BRSK2: variants seen among roughly 807,000 people sequenced by gnomAD.
BRSK2 encodes the protein BR serine/threonine kinase 2, also known as serine/threonine-protein kinase BRSK2.
Under a neutral mutation model 83.3 loss-of-function variants are expected in BRSK2, and 19 were observed. The observed-to-expected ratio is 0.23, with a 90% CI of 0.16 to 0.33. The LOEUF (loss-of-function observed/expected upper bound fraction) is 0.33. Among genes scored for constraint, BRSK2 ranks in the 10% least tolerant of loss-of-function variants. BRSK2 has a pLI of 1.00. For synonymous variants in BRSK2, 519 were observed against 435.4 expected (o/e 1.19, Z -2.39); for missense variants, 798 against 1,042.3 (o/e 0.77, Z 3.23).
chr11:1,402,621 CCA>C (rs1242197364), intron 1 of BRSK2, among the ~76,000 whole-genome samples: 1 of 142,220 alleles, frequency 7.0e-6, no homozygotes, highest in Non-Finnish European at 1.6e-5. Flanking sequence ...CTGGAGCTCC[CCA>C]CACACAGGAG....
chr11:1,447,962 G>C, intron 12 of BRSK2: 1 of 1,188,378 alleles, frequency 8.4e-7, no homozygotes, highest in African/African-American at 1.5e-5. Context: ...TGGCGGGCTG[G>C]GCTGCAGGGC....
intron 1 of BRSK2, among the ~76,000 whole-genome samples, chr11:1,404,440 G>A (rs1019011634): frequency 1.6e-4 from 24 of 152,312 alleles, no homozygotes; most frequent in Non-Finnish European, 2.5e-4. Context: ...GCCGAGAGTT[G>A]CACCTGCCTC....
At chr11:1,405,711 C>T (rs531736716) in intron 1 of BRSK2, among the ~76,000 whole-genome samples, 1 of 152,232 alleles carries the variant, frequency 6.6e-6, no homozygotes, top group Admixed American at 6.5e-5. Context: ...CTCTTGGGCT[C>T]AGGGCAGCCT....
intron 1 of BRSK2, among the ~76,000 whole-genome samples, chr11:1,434,511 G>A (rs1211899350): frequency 1.9e-4 from 27 of 139,230 alleles, no homozygotes; most frequent in Non-Finnish European, 4.0e-4. Flanking sequence ...ACCTGGGCCG[G>A]CTCTGGGTGT....
rs868715099 is a variant in BRSK2 at position 1,390,734 on chromosome 11, C to T, written c.91+359C>T. ...CCCATTGTGCCGCGGGAGGAGGGGG[C>T]CGCGCGGGCGCCCATCTGCCGTCTG... is the stretch of plus-strand genomic sequence containing the variant. On this transcript the variant is annotated intron_variant, in intron 1 of 19. Coordinates refer to ENST00000528841, the MANE Select transcript of BRSK2 (RefSeq NM_001256627.2). The surrounding 1 kb of genome is among the most constrained non-coding windows in gnomAD (Gnocchi z 6.8). 1.3e-5 allele frequency among the ~76,000 whole-genome samples: 2 copies of T among 151,432 alleles called. No individual in the cohort carries two copies. The highest frequency in any genetic ancestry group is 4.1e-4 in the South Asian group (2 of 4,828).
At position 1,453,388 on chromosome 11, in the gene BRSK2, G is replaced by A. The variant is rs144373205; in HGVS notation, c.1545-1097G>A. Among the ~76,000 whole-genome samples the A allele has an allele frequency of 1.1e-4, 16 of 152,350 alleles. No individual in the cohort carries two copies. In the East Asian group the frequency reaches 1.9e-3, roughly 18 times the overall value. Reference sequence around the variant, plus strand: ...GTACCATCTGTCCTGTCTCTTCATCGGGCAGAACATCGACCATGTAGAAAC... The same window carrying A: ...GTACCATCTGTCCTGTCTCTTCATCAGGCAGAACATCGACCATGTAGAAAC... On this transcript the variant is annotated intron_variant, in intron 15 of 19. Transcript: ENST00000528841.
chr11:1,451,173 C>T (rs996518091), intron 14 of BRSK2, among the ~76,000 whole-genome samples, 198 bp from the exon 15 acceptor site: 5 of 152,200 alleles, frequency 3.3e-5, no homozygotes, highest in African/African-American at 1.2e-4. Context: ...GGGGACAGCT[C>T]CCCTTAGCCT....
At chr11:1,426,427 T>C (rs919343673) in intron 1 of BRSK2, among the ~76,000 whole-genome samples, 3 of 152,134 alleles carry the variant, frequency 2.0e-5, no homozygotes, top group Non-Finnish European at 2.9e-5. Flanking sequence ...ACTTTAATCC[T>C]TTCAGACTCC....
intron 1 of BRSK2, chr11:1,411,630 G>A: frequency 1.9e-6 from 3 of 1,546,168 alleles, no homozygotes; most frequent in Non-Finnish European, 2.6e-6. Context: ...GCCCAGCCCA[G>A]CAGGTGCGTG....
intron 14 of BRSK2, 142 bp downstream of exon 14, chr11:1,450,936 C>A: frequency 1.3e-6 from 1 of 751,410 alleles, no homozygotes; most frequent in East Asian, 2.9e-5. Flanking sequence ...GTCTCACTGT[C>A]CCGAAAGCGC....
chr11:1,428,952 C>T lies in BRSK2; in HGVS notation c.92-7088C>T, dbSNP rs138042546. On this transcript the variant is annotated intron_variant, in intron 1 of 19. Transcript: ENST00000528841. ...TGTGTACTGGGTGCGTGTGTGTGCA[C>T]GGGTGTGTGCCCTTGGCGTGTGGGC... is the stretch of plus-strand genomic sequence containing the variant. Among the ~76,000 whole-genome samples the T allele has an allele frequency of 3.9e-4, 57 of 146,962 alleles. 1 individual carries two copies. In the East Asian group the frequency reaches 6.1e-3, roughly 16 times the overall value.
At chr11:1,400,168 G>A (rs980525239) in intron 1 of BRSK2, among the ~76,000 whole-genome samples, 2 of 152,174 alleles carry the variant, frequency 1.3e-5, no homozygotes, top group South Asian at 2.1e-4. Context: ...GGCCTCCGCC[G>A]CCAGCCCAGT....
chr11:1,452,665 T>C (rs548030926), intron 15 of BRSK2, among the ~76,000 whole-genome samples: 84 of 147,826 alleles, frequency 5.7e-4, no homozygotes, highest in Non-Finnish European at 9.8e-4. Context: ...AGATGCCTCC[T>C]ACAGCTCCAC....
At chr11:1,398,371 G>C (rs981751949) in intron 1 of BRSK2, among the ~76,000 whole-genome samples, 1 of 152,158 alleles carries the variant, frequency 6.6e-6, no homozygotes, top group Non-Finnish European at 1.5e-5. Flanking sequence ...TGACGTTGCT[G>C]CCCTGGGTCC....
chr11:1,458,841 G>C (rs1369442533), intron 18 of BRSK2, among the ~76,000 whole-genome samples: 1 of 152,198 alleles, frequency 6.6e-6, no homozygotes, highest in African/African-American at 2.4e-5. Context: ...GAGGATGCAG[G>C]CCACGGCCAG....
At position 1,393,824 on chromosome 11, in the gene BRSK2, C is replaced by T. The variant is rs115059850; in HGVS notation, c.91+3449C>T. On this transcript the variant is annotated intron_variant, in intron 1 of 19. Coordinates refer to ENST00000528841, the MANE Select transcript of BRSK2 (RefSeq NM_001256627.2). ...GGTCTGTTTAGAAAGTTGAGCAGGA[C>T]GGGCAGCGATGGGCTGTGGTGTGCA... Among the ~76,000 whole-genome samples the T allele has an allele frequency of 4.4e-3, 664 of 152,240 alleles. 3 individuals are homozygous for T. The highest frequency in any genetic ancestry group is 0.015 in the African/African-American group (633 of 41,530).
chr11:1,438,479 G>A lies in BRSK2; in HGVS notation c.272+88G>A. ...GGTGTCTGGGGCTTGGGGAGCACAG[G>A]GGCTGGAGGCCAGGGGCGCCTGCTG... is the stretch of plus-strand genomic sequence containing the variant. On this transcript the variant is annotated intron_variant, in intron 3 of 19. Coordinates refer to ENST00000528841, the MANE Select transcript of BRSK2 (RefSeq NM_001256627.2). The surrounding 1 kb of genome is among the most constrained non-coding windows in gnomAD (Gnocchi z 6.4). 1 of 1,271,740 alleles carries A rather than the reference G, an allele frequency of 7.9e-7. No homozygotes were observed. 78.8% of individuals were successfully genotyped at this position (1,271,740 alleles called of 1,614,324 possible). A position where few individuals can be genotyped will look rare whatever the true frequency, so the allele number is the denominator to read the frequency against.
chr11:1,459,926 TGTG>T (rs1032968225), intron 19 of BRSK2, among the ~76,000 whole-genome samples: 6 of 151,872 alleles, frequency 4.0e-5, no homozygotes, highest in African/African-American at 1.5e-4. Context: ...TCTGGGGAGG[TGTG>T]GTGGGCACAC....
At chr11:1,458,785 G>A (rs1846994721) in intron 18 of BRSK2, among the ~76,000 whole-genome samples, 1 of 152,194 alleles carries the variant, frequency 6.6e-6, no homozygotes, top group African/African-American at 2.4e-5. Context: ...TTGAGTTGAA[G>A]GGCAGCCGGA....
Sources: allele counts gnomAD v4.1 joint callset (sites outside exome capture counted in the v4.1 genomes callset), GRCh38; gene constraint gnomAD v4.1.1; non-coding constraint Gnocchi (gnomAD v3.1); transcripts MANE v1.5; gene names NCBI Gene and HGNC (gene_info 2026-07-23, HGNC 2026-07-21).